Variants in PISD observed in about 807,000 individuals in gnomAD.
The protein encoded by PISD is phosphatidylserine decarboxylase proenzyme, mitochondrial.
A neutral mutation model predicts 43.5 loss-of-function variants in PISD; 31 were observed. That is an observed-to-expected ratio of 0.71 (90% CI 0.54 to 0.96). The LOEUF (loss-of-function observed/expected upper bound fraction) is 0.96. Among genes scored for constraint, PISD ranks in the 40% least tolerant of loss-of-function variants. The probability of loss-of-function intolerance (pLI) is 0.00; values close to 1 mark genes in which losing one functional copy is unlikely to be tolerated. For synonymous variants in PISD, 259 were observed against 228.7 expected, an observed-to-expected ratio of 1.13 and a Z score of -1.20; for missense variants, 523 against 548.4, an observed-to-expected ratio of 0.95 and a Z score of 0.46.
At chr22:31,629,312 G>C (rs1394621870) in intron 3 of PISD, 1 of 733,990 alleles carries the variant, frequency 1.4e-6, no homozygotes, top group Non-Finnish European at 1.7e-6. Context: ...GCATGGAGGG[G>C]TGCGTGTATA....
rs56662300 is a variant in PISD, at chr22:31,628,219, T to C, written c.322-6334A>G. On this transcript the variant is annotated intron_variant, in intron 3 of 7. Coordinates refer to ENST00000439502, the MANE Select transcript of PISD (RefSeq NM_001326411.2). Reference sequence around the variant, plus strand: ...GTCTGTCCCTCTCAGAGCTGCAGGATGGAGAGAAGGGGCGCCTAGAGGTTG... The same window carrying C: ...GTCTGTCCCTCTCAGAGCTGCAGGACGGAGAGAAGGGGCGCCTAGAGGTTG... 3,432 of 984,530 alleles carry C rather than the reference T, an allele frequency of 3.5e-3. 83 individuals are homozygous for C. In the African/African-American group the frequency reaches 0.051, roughly 15 times the overall value. The allele number at this position is 984,530 out of a possible 1,614,324, so 61.0% of individuals were successfully genotyped here. A position where few individuals can be genotyped will look rare whatever the true frequency, so the allele number is the denominator to read the frequency against.
At position 31,623,979 on chromosome 22, in the gene PISD, G is replaced by A. The variant is rs557183835; in HGVS notation, c.322-2094C>T. Reference sequence around the variant, plus strand: ...CCCTTGGCAAGCTGCCTCTCCATGGGGGTGATGGAGCCCAGCAAGCACTGG... The same window carrying A: ...CCCTTGGCAAGCTGCCTCTCCATGGAGGTGATGGAGCCCAGCAAGCACTGG... On this transcript the variant is annotated intron_variant, in intron 3 of 7. Coordinates refer to ENST00000439502, the MANE Select transcript of PISD (RefSeq NM_001326411.2). 4 of 769,718 alleles carry A rather than the reference G, an allele frequency of 5.2e-6. 1 individual carries two copies. In the South Asian group the frequency reaches 5.5e-5, roughly 11 times the overall value. 47.7% of individuals were successfully genotyped at this position (769,718 alleles called of 1,614,324 possible).
At chr22:31,644,650 T>G (rs1820943691) in intron 3 of PISD, among the ~76,000 whole-genome samples, 1 of 152,228 alleles carries the variant, frequency 6.6e-6, no homozygotes, top group African/African-American at 2.4e-5. Flanking sequence ...GAGGTGGGAT[T>G]AGGACCAGGC....
chr22:31,634,893 A>G (rs540883378), intron 3 of PISD, among the ~76,000 whole-genome samples: 26 of 149,860 alleles, frequency 1.7e-4, no homozygotes, highest in Non-Finnish European at 3.8e-4. Flanking sequence ...TAGGCCTGGC[A>G]CGGTGACTCA....
At position 31,618,992 on chromosome 22, in the gene PISD, T is replaced by TAATC. The variant is rs778734873; in HGVS notation, c.*616_*619dup. 9.8e-5 allele frequency: 17 copies of TAATC among 172,706 alleles called. No homozygotes were observed. Among genetic ancestry groups the TAATC allele is most frequent in the Non-Finnish European group, 1.7e-4 (14 of 80,202 alleles). 10.7% of individuals were successfully genotyped at this position (172,706 alleles called of 1,614,324 possible). A position where few individuals can be genotyped will look rare whatever the true frequency, so the allele number is the denominator to read the frequency against. On this transcript the variant is annotated 3_prime_UTR_variant, in exon 8 of 8. Transcript: ENST00000439502. ...CAGGTCCTGCAAAGGTCTGTATCAT[T>TAATC]AATCAGTGTCATCAGTGTCCTCAGA...
chr22:31,620,489 G>C (rs1037685604), intron 7 of PISD, 64 bp downstream of exon 7: 5 of 1,536,900 alleles, frequency 3.3e-6, no homozygotes, highest in Admixed American at 1.7e-5. Flanking sequence ...CCGCACAGCA[G>C]ACAAGGCAGG....
Position 31,623,755 on chromosome 22 carries a change from C to T in PISD, c.322-1870G>A, listed in dbSNP as rs183406976. On this transcript the variant is annotated intron_variant, in intron 3 of 7. Transcript: ENST00000439502. ...CCGAAGGGCAGGAGGTAGTAGAGGA[C>T]GGTCAAGGGCCAGGAGCGCAGTTTC... is the stretch of plus-strand genomic sequence containing the variant. 1.8e-4 allele frequency: 298 copies of T among 1,614,152 alleles called. 2 individuals carry two copies. The East Asian group carries it at 5.1e-3, about 27-fold the overall frequency.
rs1358861783 is a variant in PISD, at chr22:31,619,276, A to C, written c.*336T>G. On this transcript the variant is annotated 3_prime_UTR_variant, in exon 8 of 8. Coordinates refer to ENST00000439502, the MANE Select transcript of PISD (RefSeq NM_001326411.2). The stretch of plus-strand genomic sequence containing the variant: ...GGGAGGAGCAGCAAGAAAAAACGAC[A>C]ACCGAGACCAACTGAAGGTTCGGTC... The C allele has an allele frequency of 3.4e-5, 12 of 355,526 alleles. No individual in the cohort carries two copies. The allele number at this position is 355,526 out of a possible 1,614,324, so 22.0% of individuals were successfully genotyped here.
chr22:31,652,604 C>T (rs531479263), intron 1 of PISD, among the ~76,000 whole-genome samples: 144 of 151,690 alleles, frequency 9.5e-4, no homozygotes, highest in African/African-American at 3.3e-3. Context: ...GTCAGGAGTT[C>T]GAGACCAGCC....
In PISD at chr22:31,633,716, AAAACAAAC is replaced by A. The variant is rs111689818; in HGVS notation, c.322-11839_322-11832del. 1.2e-3 allele frequency among the ~76,000 whole-genome samples: 186 copies of A among 151,922 alleles called. 1 individual carries two copies. Among genetic ancestry groups the A allele is most frequent in the Non-Finnish European group, 1.9e-3 (131 of 67,998 alleles). ...GGCGACAGAGCGAGACTCGTCTCAA[AAAACAAAC>A]AAACAAACAAACAAACAAACGAAAC... On this transcript the variant is annotated intron_variant, in intron 3 of 7. Coordinates refer to ENST00000439502, the MANE Select transcript of PISD (RefSeq NM_001326411.2).
intron 3 of PISD, among the ~76,000 whole-genome samples, chr22:31,645,347 G>T (rs1289423969): frequency 6.6e-6 from 1 of 151,802 alleles, no homozygotes; most frequent in Non-Finnish European, 1.5e-5. Context: ...CAGGGATGCA[G>T]TGAGCCGTGA....
chr22:31,621,331 C>A lies in PISD; in HGVS notation c.697+3G>T. ...GCCTAGCCCCGCCTGTGCAGTGACC[C>A]ACCTGGTGGGAAGGGCAGGTCCTCT... On this transcript the variant is annotated splice_donor_region_variant and intron_variant, in intron 5 of 7. Transcript: ENST00000439502. 6.2e-7 allele frequency: 1 copy of A among 1,614,048 alleles called. No individual in the cohort carries two copies. The highest frequency in any genetic ancestry group is 1.1e-5 in the South Asian group (1 of 91,086).
chr22:31,650,628 G>A (rs2074006016), intron 2 of PISD, 71 bp downstream of exon 2: 9 of 866,422 alleles, frequency 1.0e-5, no homozygotes, highest in Non-Finnish European at 1.7e-5. Context: ...ACAACCCTAT[G>A]TTTATCCCAA....
intron 1 of PISD, among the ~76,000 whole-genome samples, chr22:31,661,546 G>C (rs2074317528): frequency 1.3e-5 from 2 of 152,116 alleles, no homozygotes; most frequent in Non-Finnish European, 2.9e-5. Flanking sequence ...AGGTGAACTT[G>C]AGCAAATCCC....
chr22:31,656,060 G>A (rs951387607), intron 1 of PISD, among the ~76,000 whole-genome samples: 4 of 152,044 alleles, frequency 2.6e-5, no homozygotes, highest in African/African-American at 9.7e-5. Context: ...TTGAGAGGCT[G>A]AGGCAGGTGG....
chr22:31,619,241 A>G lies in PISD; in HGVS notation c.*371T>C. ...AAAAGGGGCCAACAGAAAACAGCTC[A>G]GGTGATGGGGGGAGGAGCAGCAAGA... On this transcript the variant is annotated 3_prime_UTR_variant, in exon 8 of 8. Coordinates refer to ENST00000439502, the MANE Select transcript of PISD (RefSeq NM_001326411.2). 1 of 344,598 alleles carries G rather than the reference A, an allele frequency of 2.9e-6. No individual in the cohort carries two copies. The highest frequency in any genetic ancestry group is 5.6e-6 in the Non-Finnish European group (1 of 177,152). The allele number at this position is 344,598 out of a possible 1,614,324, so 21.3% of individuals were successfully genotyped here. A position where few individuals can be genotyped will look rare whatever the true frequency, so the allele number is the denominator to read the frequency against.
chr22:31,648,019 C>T (rs1330744654), intron 3 of PISD, 82 bp downstream of exon 3: 3 of 1,254,456 alleles, frequency 2.4e-6, no homozygotes, highest in East Asian at 4.8e-5. Context: ...CTTGTTCAAA[C>T]ATTTCAACTT....
In PISD at chr22:31,621,140, C is replaced by T. The variant is rs201310686; in HGVS notation, c.700G>A (p.Ala234Thr). ...CTEDLPFPPAASCDSFKNQLV... is the reference protein window; with the variant it reads ...CTEDLPFPPATSCDSFKNQLV... The stretch of plus-strand genomic sequence containing the variant: ...TGGTTCTTGAAGGAGTCACACGACG[C>T]GGCTGTGGAGTAGGAGCAGACGTGG... The change falls in exon 6 of 8, where the codon GCG (alanine) becomes ACG (threonine). Residue 234 changes from alanine (A) to threonine (T), a missense_variant and splice_region_variant. Physicochemically the swap from Ala to Thr is moderately conservative, Grantham distance 58. Transcript: ENST00000439502. The T allele has an allele frequency of 2.4e-5, 38 of 1,614,150 alleles. No individual in the cohort carries two copies. Among genetic ancestry groups the T allele is most frequent in the East Asian group, 4.5e-5 (2 of 44,884 alleles).
At chr22:31,641,777 G>A (rs545471838) in intron 3 of PISD, among the ~76,000 whole-genome samples, 51 of 151,202 alleles carry the variant, frequency 3.4e-4, no homozygotes, top group African/African-American at 1.2e-3. Context: ...CTGAGATCGC[G>A]CCACTGCACT....
Sources: gnomAD v4.1 joint callset for allele counts (sites outside exome capture counted in the v4.1 genomes callset) on GRCh38, gnomAD v4.1.1 for gene constraint, MANE v1.5 for transcripts, NCBI Gene and HGNC (gene_info 2026-07-23, HGNC 2026-07-21) for gene names.